Variants in USH2A observed in about 807,000 individuals in gnomAD.
USH2A encodes the protein Usher syndrome 2A (autosomal recessive, mild).
A neutral mutation model predicts 538.9 loss-of-function variants in USH2A; 443 were observed. The ratio of observed to expected loss-of-function variants is 0.82; its 90% confidence interval spans 0.76 to 0.89. The LOEUF is 0.89. Ranked by LOEUF, USH2A falls within the 40% of genes least tolerant of loss-of-function variation. The pLI, the probability that USH2A is intolerant of heterozygous loss-of-function variation, is 0.00. For missense variants in USH2A, 6,633 were observed against 6,324.8 expected (o/e 1.05, Z -1.65); for synonymous variants, 2,413 against 2,273.5 (o/e 1.06, Z -1.75).
intron 14 of USH2A, among the ~76,000 whole-genome samples, chr1:216,231,747 C>T (rs1252089250): frequency 3.3e-5 from 5 of 151,798 alleles, no homozygotes; most frequent in South Asian, 2.1e-4. Flanking sequence ...GGGGTTTCAC[C>T]GTGTTGGCCA....
Position 216,175,461 on chromosome 1 carries a change from G to T in USH2A, c.4418C>A (p.Pro1473His), listed in dbSNP as rs2034359276. ...LAAAPAQLRP[P>H]LVKGINSTTI... ...TGTGCTGTTGATTCCTTTAACCAGAGGTGGCCTCAGTTGTGCTGGTGCTAA... is the reference window on the plus strand; with the variant it reads ...TGTGCTGTTGATTCCTTTAACCAGATGTGGCCTCAGTTGTGCTGGTGCTAA... Residue 1473 changes from proline (P) to histidine (H), a missense_variant, in exon 21 of 72, where the codon CCT becomes CAT. Pro to His is a moderately conservative substitution (Grantham distance 77, BLOSUM62 -2). Transcript: ENST00000307340. 6.2e-7 allele frequency: 1 copy of T among 1,613,640 alleles called. No homozygotes were observed. Among genetic ancestry groups the T allele is most frequent in the Admixed American group, 1.7e-5 (1 of 59,956 alleles).
chr1:215,857,787 G>A (rs1386827357), intron 44 of USH2A, among the ~76,000 whole-genome samples: 3 of 151,860 alleles, frequency 2.0e-5, no homozygotes, highest in African/African-American at 7.3e-5. Context: ...GTAGAAGAGG[G>A]GCAGCATCAG....
chr1:215,756,568 A>C, intron 58 of USH2A, among the ~76,000 whole-genome samples: 1 of 152,188 alleles, frequency 6.6e-6, no homozygotes, highest in East Asian at 1.9e-4. Context: ...GGCTCTATCC[A>C]GCTTCATTTT....
At chr1:216,346,120 C>T (rs949461769) in intron 4 of USH2A, among the ~76,000 whole-genome samples, 1 of 152,078 alleles carries the variant, frequency 6.6e-6, no homozygotes, top group Non-Finnish European at 1.5e-5. Context: ...ATTTTCCTTT[C>T]TCTGAACACC....
rs183862663 is a variant in USH2A at position 215,796,288 on chromosome 1, G to C, written c.9958+2619C>G. Among the ~76,000 whole-genome samples, 15 of 152,166 alleles carry C rather than the reference G, an allele frequency of 9.9e-5. 1 individual carries two copies. The highest frequency in any genetic ancestry group is 3.4e-4 in the African/African-American group (14 of 41,534). Reference sequence around the variant, plus strand: ...GCATTTTTTTACAAATTGAAGTTTTGTGGCCACCCTGCATCAAGAAGTCTA... The same window carrying C: ...GCATTTTTTTACAAATTGAAGTTTTCTGGCCACCCTGCATCAAGAAGTCTA... On this transcript the variant is annotated intron_variant, in intron 50 of 71. Transcript: ENST00000307340.
chr1:215,628,098 C>T (rs2102624395), intron 71 of USH2A, among the ~76,000 whole-genome samples: 1 of 152,202 alleles, frequency 6.6e-6, no homozygotes, highest in Middle Eastern at 3.4e-3. Flanking sequence ...TGGAAAGCAA[C>T]CATGTTCACC....
intron 21 of USH2A, among the ~76,000 whole-genome samples, chr1:216,167,106 G>A (rs1309593384): frequency 1.3e-5 from 2 of 151,704 alleles, no homozygotes; most frequent in African/African-American, 2.4e-5. Flanking sequence ...ATGTTTGTGA[G>A]CCTCCTTATA....
chr1:215,965,033 A>G (rs1667302794), intron 37 of USH2A, among the ~76,000 whole-genome samples: 1 of 152,164 alleles, frequency 6.6e-6, no homozygotes, highest in African/African-American at 2.4e-5. Context: ...GCTTAAACAC[A>G]GACTGTTAGA....
chr1:216,097,022 C>A (rs1571957988), intron 22 of USH2A, 61 bp downstream of exon 22: 1 of 1,476,752 alleles, frequency 6.8e-7, no homozygotes, highest in East Asian at 2.4e-5. Flanking sequence ...GAAGCATTTA[C>A]CTCAGTACCA....
At chr1:215,887,434 C>T (rs1665088890) in intron 41 of USH2A, among the ~76,000 whole-genome samples, 1 of 152,120 alleles carries the variant, frequency 6.6e-6, no homozygotes, top group Admixed American at 6.5e-5. Context: ...CAATTCTTTA[C>T]ATTGCTCAGT....
At chr1:216,012,332 C>A (rs571572405) in intron 32 of USH2A, among the ~76,000 whole-genome samples, 4 of 152,018 alleles carry the variant, frequency 2.6e-5, no homozygotes, top group Non-Finnish European at 5.9e-5. Flanking sequence ...TTATTCAGGC[C>A]CTTCCCTACA....
intron 12 of USH2A, among the ~76,000 whole-genome samples, chr1:216,250,057 G>C (rs933310341): frequency 6.6e-6 from 1 of 151,974 alleles, no homozygotes; most frequent in Non-Finnish European, 1.5e-5. Flanking sequence ...ACAATACAGG[G>C]CTCACTTCAT....
intron 46 of USH2A, among the ~76,000 whole-genome samples, chr1:215,843,119 A>G (rs958296084): frequency 6.6e-6 from 1 of 152,164 alleles, no homozygotes; most frequent in Non-Finnish European, 1.5e-5. Context: ...AGATGATTAT[A>G]TGTCTTAACC....
chr1:215,903,127 A>G (rs1313031064), intron 38 of USH2A, among the ~76,000 whole-genome samples: 1 of 152,108 alleles, frequency 6.6e-6, no homozygotes, highest in Non-Finnish European at 1.5e-5. Context: ...GAAGCCGAGT[A>G]AAGAAAGAAG....
chr1:216,108,693 T>C (rs1265622397), intron 21 of USH2A, among the ~76,000 whole-genome samples: 2 of 152,028 alleles, frequency 1.3e-5, no homozygotes, highest in African/African-American at 4.8e-5. Context: ...GATATGTGTT[T>C]AAATTCATTA....
chr1:216,253,845 C>T (rs1005795288), intron 11 of USH2A, among the ~76,000 whole-genome samples: 5 of 152,124 alleles, frequency 3.3e-5, no homozygotes, highest in African/African-American at 4.8e-5. Flanking sequence ...CTTTAGTTTC[C>T]CTATAGCTAG....
chr1:215,890,195 A>G (rs1277986912), intron 40 of USH2A, among the ~76,000 whole-genome samples: 3 of 152,182 alleles, frequency 2.0e-5, no homozygotes, highest in Non-Finnish European at 2.9e-5. Flanking sequence ...TTTTCTGCCC[A>G]CAGCAATTTT....
rs375562284 is a variant in USH2A, at chr1:216,404,618, CT to C, written c.651+13895del. Among the ~76,000 whole-genome samples the C allele has an allele frequency of 5.6e-3, 618 of 110,026 alleles. 5 individuals carry two copies. The highest frequency in any genetic ancestry group is 0.019 in the African/African-American group (534 of 28,628). 72.2% of individuals were successfully genotyped at this position (110,026 alleles called of 152,430 possible). A position where few individuals can be genotyped will look rare whatever the true frequency, so the allele number is the denominator to read the frequency against. On this transcript the variant is annotated intron_variant, in intron 3 of 71. Coordinates refer to ENST00000307340, the MANE Select transcript of USH2A (RefSeq NM_206933.4). ...ATATTAACTCAAAGTGAAACATAGG[CT>C]TTTTTTTTTTTTTTTTTTTTAAGAC... is the stretch of plus-strand genomic sequence containing the variant.
intron 61 of USH2A, among the ~76,000 whole-genome samples, chr1:215,720,721 T>G (rs1368040090): frequency 6.6e-6 from 1 of 151,946 alleles, no homozygotes; most frequent in African/African-American, 2.4e-5. Context: ...CAAAAAAAGG[T>G]TGTAGGGTGG....
Sources: allele counts gnomAD v4.1 joint callset (sites outside exome capture counted in the v4.1 genomes callset), GRCh38; gene constraint gnomAD v4.1.1; transcripts MANE v1.5; gene names NCBI Gene and HGNC (gene_info 2026-07-23, HGNC 2026-07-21).